The following MTUS2 variants were observed in gnomAD, a reference collection of about 807,000 sequenced individuals.
The protein encoded by MTUS2 is microtubule-associated tumor suppressor candidate 2.
A neutral mutation model predicts 114.1 loss-of-function variants in MTUS2; 40 were observed. The observed-to-expected ratio is 0.35, with a 90% CI of 0.27 to 0.46. MTUS2 has a LOEUF of 0.46. Among genes scored for constraint, MTUS2 ranks in the 20% least tolerant of loss-of-function variants. The pLI, the probability that MTUS2 is intolerant of heterozygous loss-of-function variation, is 1.00. For missense variants in MTUS2, 1,679 were observed against 1,705.4 expected, an observed-to-expected ratio of 0.98 and a Z score of 0.27; for synonymous variants, 688 against 672.0, an observed-to-expected ratio of 1.02 and a Z score of -0.37.
chr13:29,247,871 C>T (rs1246779186), intron 5 of MTUS2, among the ~76,000 whole-genome samples: 2 of 152,226 alleles, frequency 1.3e-5, no homozygotes, highest in Non-Finnish European at 2.9e-5. Flanking sequence ...AGTAGATCTA[C>T]TGTTTGATCT....
chr13:29,454,963 G>A (rs990084885), intron 9 of MTUS2, among the ~76,000 whole-genome samples: 3 of 152,144 alleles, frequency 2.0e-5, no homozygotes, highest in African/African-American at 7.2e-5. Context: ...CAAACATGAG[G>A]CAACTGTTTC....
intron 9 of MTUS2, among the ~76,000 whole-genome samples, chr13:29,456,384 T>C (rs890238826): frequency 7.2e-5 from 11 of 152,280 alleles, no homozygotes; most frequent in African/African-American, 2.6e-4. Flanking sequence ...GTCTAACAGA[T>C]GTGTAACTGA....
At chr13:29,331,040 T>A (rs1190396214) in intron 7 of MTUS2, among the ~76,000 whole-genome samples, 1 of 152,238 alleles carries the variant, frequency 6.6e-6, no homozygotes, top group Non-Finnish European at 1.5e-5. Flanking sequence ...ATGGCCATTT[T>A]CATGATACTG....
At chr13:28,940,572 A>T (rs954856470) in intron 2 of MTUS2, among the ~76,000 whole-genome samples, 1 of 152,132 alleles carries the variant, frequency 6.6e-6, no homozygotes, top group African/African-American at 2.4e-5. Flanking sequence ...ATTAAATAAG[A>T]TGGAGAATTG....
intron 2 of MTUS2, among the ~76,000 whole-genome samples, chr13:28,907,159 A>G (rs1028890171): frequency 6.6e-6 from 1 of 151,548 alleles, no homozygotes; most frequent in African/African-American, 2.4e-5. Context: ...ACTAAGCTTC[A>G]TAAGTGAAGG....
At chr13:29,107,353 G>A (rs1890711256) in intron 5 of MTUS2, among the ~76,000 whole-genome samples, 1 of 152,044 alleles carries the variant, frequency 6.6e-6, no homozygotes, top group South Asian at 2.1e-4. Context: ...AGAATTTTAA[G>A]GGAAGTTATC....
At position 29,026,903 on chromosome 13, in the gene MTUS2, G is replaced by A; in HGVS notation, c.2205G>A (p.Glu735=). 1 of 1,583,790 alleles carries A rather than the reference G, an allele frequency of 6.3e-7. No homozygotes were observed. The change falls in exon 3 of 16, where the codon GAG becomes GAA. Residue 735 remains glutamate (E), a splice_region_variant and synonymous_variant. Transcript: ENST00000612955. Reference sequence around the variant, plus strand: ...AAATGAGTGAAAAGTTTTTGCAGGAGGTAAGAGAATGTCATTATGATATGG... The same window carrying A: ...AAATGAGTGAAAAGTTTTTGCAGGAAGTAAGAGAATGTCATTATGATATGG... The part of the protein sequence containing the change: ...FSQMSEKFLQ[E]VTDHPGKEEF...
intron 8 of MTUS2, among the ~76,000 whole-genome samples, chr13:29,397,710 A>G (rs1212487554): frequency 6.6e-6 from 1 of 152,206 alleles, no homozygotes; most frequent in East Asian, 1.9e-4. Context: ...GGGTACCCAC[A>G]ATTGCCAGCC....
chr13:29,449,335 CCACACATACA>C (rs1878520657), intron 9 of MTUS2, among the ~76,000 whole-genome samples: 1 of 152,038 alleles, frequency 6.6e-6, no homozygotes, highest in South Asian at 2.1e-4. Flanking sequence ...GACTAGTAGC[CCACACATACA>C]CACACATACA....
chr13:29,315,474 A>C (rs935101054), intron 6 of MTUS2, among the ~76,000 whole-genome samples: 3 of 152,212 alleles, frequency 2.0e-5, no homozygotes, highest in African/African-American at 7.2e-5. Flanking sequence ...AATAATAAAA[A>C]TCATTTTTTA....
intron 5 of MTUS2, among the ~76,000 whole-genome samples, chr13:29,200,005 G>T (rs1489948700): frequency 2.0e-5 from 3 of 152,038 alleles, no homozygotes. Context: ...TCGGATAGTA[G>T]TTTGTATTTC....
At chr13:28,958,343 C>T (rs906725089) in intron 2 of MTUS2, among the ~76,000 whole-genome samples, 3 of 152,136 alleles carry the variant, frequency 2.0e-5, no homozygotes, top group African/African-American at 7.2e-5. Flanking sequence ...TCTTTATTAA[C>T]GTAAAATGAA....
rs557228590 is a variant in MTUS2, at chr13:29,359,241, G to C, written c.2906-21G>C. On this transcript the variant is annotated intron_variant, in intron 7 of 15. Transcript: ENST00000612955. Reference sequence around the variant, plus strand: ...GAGTGTTTTTTCACAGGTGACCGGGGTTTGGTTTTCTTTCTCACAGGATAC... The same window carrying C: ...GAGTGTTTTTTCACAGGTGACCGGGCTTTGGTTTTCTTTCTCACAGGATAC... The C allele has an allele frequency of 1.6e-5, 25 of 1,572,092 alleles. No individual in the cohort carries two copies. In the Admixed American group the frequency reaches 4.5e-4, roughly 28 times the overall value.
At chr13:28,957,756 A>G (rs1032293198) in intron 2 of MTUS2, among the ~76,000 whole-genome samples, 13 of 152,230 alleles carry the variant, frequency 8.5e-5, no homozygotes, top group African/African-American at 2.9e-4. Flanking sequence ...TGCCAAGGCC[A>G]CAGAGGTGAA....
intron 12 of MTUS2, among the ~76,000 whole-genome samples, chr13:29,495,181 CAAAAAAAA>C (rs71090260): frequency 1.0e-4 from 3 of 30,068 alleles, no homozygotes; most frequent in East Asian, 1.1e-3. Flanking sequence ...AACTCCGTCT[CAAAAAAAA>C]AAAAAAAAAA....
Position 29,023,454 on chromosome 13 carries a change from C to G in MTUS2, c.-242-1003C>G, listed in dbSNP as rs969986928. ...TTTCTCTCTTTTACTCTTTCTCCTTCTCATATGCACACACACATACATACA... is the reference window on the plus strand; with the variant it reads ...TTTCTCTCTTTTACTCTTTCTCCTTGTCATATGCACACACACATACATACA... On this transcript the variant is annotated intron_variant, in intron 2 of 15. Coordinates refer to ENST00000612955, the MANE Select transcript of MTUS2 (RefSeq NM_001033602.4). Among the ~76,000 whole-genome samples the G allele has an allele frequency of 1.1e-4, 17 of 152,314 alleles. 1 individual carries two copies. The highest frequency in any genetic ancestry group is 9.8e-4 in the Admixed American group (15 of 15,304).
At chr13:29,081,169 G>A (rs990796774) in intron 4 of MTUS2, among the ~76,000 whole-genome samples, 4 of 152,100 alleles carry the variant, frequency 2.6e-5, no homozygotes, top group African/African-American at 9.7e-5. Flanking sequence ...ATAGGGTGGG[G>A]CAAGGGTTTC....
intron 4 of MTUS2, among the ~76,000 whole-genome samples, chr13:29,094,298 A>G (rs1890086559): frequency 6.6e-6 from 1 of 151,660 alleles, no homozygotes; most frequent in Non-Finnish European, 1.5e-5. Flanking sequence ...TAAATGTTTG[A>G]TAGAATTCAC....
intron 2 of MTUS2, among the ~76,000 whole-genome samples, chr13:28,847,364 A>G (rs1259503347): frequency 1.3e-5 from 2 of 152,104 alleles, no homozygotes; most frequent in Non-Finnish European, 2.9e-5. Flanking sequence ...GACACAGGGC[A>G]TAGGAGCTCT....
Sources: allele counts gnomAD v4.1 joint callset (sites outside exome capture counted in the v4.1 genomes callset), GRCh38; gene constraint gnomAD v4.1.1; transcripts MANE v1.5; gene names NCBI Gene and HGNC (gene_info 2026-07-23, HGNC 2026-07-21).